The following RBFOX1 variants were observed in gnomAD, a reference collection of about 807,000 sequenced individuals.
The protein encoded by RBFOX1 is RNA binding protein fox-1 homolog 1.
A neutral mutation model predicts 57.7 loss-of-function variants in RBFOX1; 8 were observed. The observed-to-expected ratio is 0.14, with a 90% CI of 0.08 to 0.25. The LOEUF (loss-of-function observed/expected upper bound fraction) is 0.25, where lower values mean the gene tolerates loss of function less well. Among genes scored for constraint, RBFOX1 ranks in the 10% least tolerant of loss-of-function variants. The probability of loss-of-function intolerance (pLI) is 1.00; values close to 1 mark genes in which losing one functional copy is unlikely to be tolerated. For synonymous variants in RBFOX1, 326 were observed against 222.4 expected, an observed-to-expected ratio of 1.47 and a Z score of -4.15; for missense variants, 611 against 548.5, an observed-to-expected ratio of 1.11 and a Z score of -1.14.
At chr16:5,746,999 G>A (rs2151607489) in intron 3 of RBFOX1, among the ~76,000 whole-genome samples, 2 of 152,224 alleles carry the variant, frequency 1.3e-5, no homozygotes, top group East Asian at 1.9e-4. Flanking sequence ...GGTGAGAGAG[G>A]GCATCCCTGT....
intron 4 of RBFOX1, among the ~76,000 whole-genome samples, chr16:7,141,463 G>A (rs1347069681): frequency 6.6e-6 from 1 of 152,158 alleles, no homozygotes; most frequent in African/African-American, 2.4e-5. Context: ...GCTCTAAGGG[G>A]AAAATGCGCA....
rs115829347 is a variant in RBFOX1 at position 7,264,331 on chromosome 16, A to G, written c.27+212233A>G. Among the ~76,000 whole-genome samples, 641 of 152,352 alleles carry G rather than the reference A, an allele frequency of 4.2e-3. 2 individuals are homozygous for G. Among genetic ancestry groups the G allele is most frequent in the African/African-American group, 0.015 (612 of 41,578 alleles). On this transcript the variant is annotated intron_variant, in intron 4 of 15. Transcript: ENST00000550418. ...GCAAAAACAAATGAGCAGAATTCATAGTTGTTGAGGGCCTCCAAGATCTTA... is the reference window on the plus strand; with the variant it reads ...GCAAAAACAAATGAGCAGAATTCATGGTTGTTGAGGGCCTCCAAGATCTTA...
At chr16:7,240,973 C>G (rs866729979) in intron 4 of RBFOX1, among the ~76,000 whole-genome samples, 1 of 152,192 alleles carries the variant, frequency 6.6e-6, no homozygotes, top group Non-Finnish European at 1.5e-5. Context: ...TACTTTTCCC[C>G]CACACCTTCC....
At chr16:7,166,014 T>TTTG (rs201320374) in intron 4 of RBFOX1, among the ~76,000 whole-genome samples, 1 of 151,246 alleles carries the variant, frequency 6.6e-6, no homozygotes, top group Non-Finnish European at 1.5e-5. Context: ...ATAGTCTATT[T>TTTG]TTGTTGTTGT....
At chr16:5,675,083 G>A (rs892075815) in intron 3 of RBFOX1, among the ~76,000 whole-genome samples, 1 of 152,152 alleles carries the variant, frequency 6.6e-6, no homozygotes, top group Non-Finnish European at 1.5e-5. Flanking sequence ...AAGAGGTCAA[G>A]GCTGCAGTGA....
At chr16:6,398,381 T>G (rs1439392162) in intron 2 of RBFOX1, among the ~76,000 whole-genome samples, 1 of 152,194 alleles carries the variant, frequency 6.6e-6, no homozygotes, top group Non-Finnish European at 1.5e-5. Flanking sequence ...AAGTCTTAAC[T>G]TCTTCCACCA....
chr16:5,840,716 GA>G (rs1209472492), intron 3 of RBFOX1, among the ~76,000 whole-genome samples: 1 of 152,226 alleles, frequency 6.6e-6, no homozygotes, highest in African/African-American at 2.4e-5. Context: ...AGGTGAAGCA[GA>G]AGGAGCCTTC....
chr16:5,386,049 G>T (rs938128623), intron 1 of RBFOX1, among the ~76,000 whole-genome samples: 1 of 151,640 alleles, frequency 6.6e-6, no homozygotes, highest in Non-Finnish European at 1.5e-5. Context: ...GGAAGGGACT[G>T]TGTTTGCCAA....
intron 3 of RBFOX1, among the ~76,000 whole-genome samples, chr16:6,705,902 C>T (rs562994186): frequency 2.6e-5 from 4 of 152,190 alleles, no homozygotes; most frequent in Admixed American, 6.5e-5. Context: ...TCTCTAGTCC[C>T]AACTACTCAG....
At chr16:6,758,709 C>G (rs1360520675) in intron 3 of RBFOX1, among the ~76,000 whole-genome samples, 2 of 152,148 alleles carry the variant, frequency 1.3e-5, no homozygotes, top group African/African-American at 2.4e-5. Flanking sequence ...AAAGAAAATA[C>G]ATTTTACATT....
At chr16:5,660,967 T>C (rs1177092934) in intron 3 of RBFOX1, among the ~76,000 whole-genome samples, 3 of 152,120 alleles carry the variant, frequency 2.0e-5, no homozygotes, top group Admixed American at 6.5e-5. Flanking sequence ...TGGCTTGATA[T>C]AGGGTTGAGG....
chr16:6,597,463 G>C (rs941362149), intron 2 of RBFOX1, among the ~76,000 whole-genome samples: 1 of 151,998 alleles, frequency 6.6e-6, no homozygotes, highest in African/African-American at 2.4e-5. Context: ...CACAAGGTCA[G>C]GAGTTTGAGA....
chr16:5,742,871 G>T (rs1181932357), intron 3 of RBFOX1, among the ~76,000 whole-genome samples: 1 of 152,198 alleles, frequency 6.6e-6, no homozygotes, highest in Non-Finnish European at 1.5e-5. Flanking sequence ...CATTTGGGCC[G>T]AGAGATGGAT....
chr16:6,987,985 C>T (rs955065075), intron 3 of RBFOX1, among the ~76,000 whole-genome samples: 1 of 152,014 alleles, frequency 6.6e-6, no homozygotes, highest in Admixed American at 6.6e-5. Context: ...CTTGCATAAT[C>T]TTATATAGTC....
At chr16:7,372,403 G>A (rs1351888376) in intron 4 of RBFOX1, among the ~76,000 whole-genome samples, 4 of 152,148 alleles carry the variant, frequency 2.6e-5, no homozygotes, top group Admixed American at 1.3e-4. Context: ...ATAGGATTTT[G>A]CTTGAAGTTC....
intron 3 of RBFOX1, among the ~76,000 whole-genome samples, chr16:6,841,292 C>T (rs1269377701): frequency 6.6e-6 from 1 of 152,218 alleles, no homozygotes; most frequent in Middle Eastern, 3.4e-3. Context: ...TTGATAAGGA[C>T]ATTAGATTTT....
At chr16:5,663,792 C>A (rs1263831841) in intron 3 of RBFOX1, among the ~76,000 whole-genome samples, 1 of 152,200 alleles carries the variant, frequency 6.6e-6, no homozygotes, top group Non-Finnish European at 1.5e-5. Context: ...GTATTTGTCC[C>A]AGCCTCTTGT....
intron 3 of RBFOX1, among the ~76,000 whole-genome samples, chr16:6,728,085 C>T (rs1008063804): frequency 6.6e-6 from 1 of 152,172 alleles, no homozygotes; most frequent in African/African-American, 2.4e-5. Context: ...ATAGAGCTAG[C>T]CACCAAGTGA....
chr16:7,066,278 T>A lies in RBFOX1; in HGVS notation c.27+14180T>A, dbSNP rs137968884. ...CTATATTCACTTGTTTTGACAAACA[T>A]GGTACGTTACCTTGATGTCTATTGA... is the stretch of plus-strand genomic sequence containing the variant. On this transcript the variant is annotated intron_variant, in intron 4 of 15. Coordinates refer to ENST00000550418, the MANE Select transcript of RBFOX1 (RefSeq NM_018723.4). Among the ~76,000 whole-genome samples, 452 of 152,336 alleles carry A rather than the reference T, an allele frequency of 3.0e-3. 7 individuals are homozygous for A. The highest frequency in any genetic ancestry group is 0.021 in the Admixed American group (316 of 15,302).
Sources: allele counts gnomAD v4.1 joint callset (sites outside exome capture counted in the v4.1 genomes callset), GRCh38; gene constraint gnomAD v4.1.1; transcripts MANE v1.5; gene names NCBI Gene and HGNC (gene_info 2026-07-23, HGNC 2026-07-21).